The following SNX29 variants were observed in gnomAD, a reference collection of about 807,000 sequenced individuals.
SNX29 encodes sorting nexin 29.
A neutral mutation model predicts 102.1 loss-of-function variants in SNX29; 78 were observed. The ratio of observed to expected loss-of-function variants is 0.76; its 90% CI spans 0.64 to 0.92. SNX29 has a LOEUF of 0.92. Ranked by LOEUF, SNX29 falls within the 40% of genes least tolerant of loss-of-function variation. SNX29 has a pLI of 0.00. For missense variants in SNX29, 1,280 were observed against 1,061.7 expected (o/e 1.21, Z -2.86); for synonymous variants, 580 against 414.5 (o/e 1.40, Z -4.85).
At chr16:12,532,220 T>A (rs2076950881) in intron 20 of SNX29, among the ~76,000 whole-genome samples, 1 of 152,260 alleles carries the variant, frequency 6.6e-6, no homozygotes, top group Non-Finnish European at 1.5e-5. Flanking sequence ...TATGTTTATG[T>A]AAATTGTGTA....
At chr16:12,065,540 A>G (rs77932425) in intron 9 of SNX29, among the ~76,000 whole-genome samples, 10 of 152,072 alleles carry the variant, frequency 6.6e-5, no homozygotes, top group South Asian at 4.2e-4. Context: ...CTAAAGTTCT[A>G]TTTCTCCTTG....
At chr16:12,041,788 A>G (rs1384924973) in intron 4 of SNX29, among the ~76,000 whole-genome samples, 1 of 152,162 alleles carries the variant, frequency 6.6e-6, no homozygotes, top group African/African-American at 2.4e-5. Flanking sequence ...AGATCCTAAC[A>G]CAGTTGCATA....
chr16:12,004,577 G>C (rs2056394051), intron 3 of SNX29, among the ~76,000 whole-genome samples: 1 of 152,056 alleles, frequency 6.6e-6, no homozygotes, highest in African/African-American at 2.4e-5. Flanking sequence ...GAAGGAAAGG[G>C]AAGGGAACTT....
chr16:12,353,302 G>T (rs1397922952), intron 15 of SNX29, among the ~76,000 whole-genome samples: 2 of 152,144 alleles, frequency 1.3e-5, no homozygotes, highest in South Asian at 4.2e-4. Flanking sequence ...CTGGCCCCTG[G>T]ACACCTACTT....
intron 20 of SNX29, among the ~76,000 whole-genome samples, chr16:12,555,440 T>G (rs140508284): frequency 1.3e-5 from 2 of 152,036 alleles, no homozygotes; most frequent in Non-Finnish European, 2.9e-5. Context: ...GAGACACTCA[T>G]GTACGCAGGG....
intron 13 of SNX29, among the ~76,000 whole-genome samples, chr16:12,140,400 G>A (rs2054829041): frequency 1.3e-5 from 2 of 152,202 alleles, no homozygotes; most frequent in Non-Finnish European, 1.5e-5. Context: ...TCCTGCCCAA[G>A]CCTGGGTCCC....
At chr16:12,013,286 A>T (rs1179127257) in intron 3 of SNX29, among the ~76,000 whole-genome samples, 1 of 151,174 alleles carries the variant, frequency 6.6e-6, no homozygotes, top group Non-Finnish European at 1.5e-5. Context: ...ATGCAAATTA[A>T]AGCAACAGTG....
chr16:12,094,437 T>C (rs546193276), intron 11 of SNX29, among the ~76,000 whole-genome samples: 2 of 152,330 alleles, frequency 1.3e-5, no homozygotes, highest in African/African-American at 4.8e-5. Context: ...GACCTGATTT[T>C]CCATCTTACT....
chr16:12,411,164 G>A (rs1176734935), intron 18 of SNX29, among the ~76,000 whole-genome samples: 3 of 152,222 alleles, frequency 2.0e-5, no homozygotes, highest in Non-Finnish European at 4.4e-5. Flanking sequence ...TAAGGCTGAA[G>A]CATTTCTCTC....
At chr16:12,352,073 G>A (rs1035748655) in intron 15 of SNX29, among the ~76,000 whole-genome samples, 9 of 152,136 alleles carry the variant, frequency 5.9e-5, no homozygotes, top group Non-Finnish European at 1.0e-4. Context: ...TTGTTAAATC[G>A]AAGGTGAGTG....
At chr16:12,162,400 C>T (rs954574862) in intron 13 of SNX29, among the ~76,000 whole-genome samples, 11 of 152,270 alleles carry the variant, frequency 7.2e-5, no homozygotes, top group African/African-American at 2.6e-4. Context: ...GAGGAGTTGG[C>T]AAATATATTC....
chr16:12,243,474 G>T (rs1440654870), intron 14 of SNX29, among the ~76,000 whole-genome samples: 1 of 152,182 alleles, frequency 6.6e-6, no homozygotes, highest in African/African-American at 2.4e-5. Flanking sequence ...TAGGCTCAGG[G>T]ACTCAGTACC....
chr16:12,374,393 T>C (rs2082797659), intron 16 of SNX29: 2 of 152,168 alleles, frequency 1.3e-5, no homozygotes, highest in African/African-American at 2.4e-5. Flanking sequence ...ATGTCTTTAT[T>C]TTGATCAGTC....
intron 11 of SNX29, among the ~76,000 whole-genome samples, chr16:12,105,900 A>G (rs999443938): frequency 2.6e-5 from 4 of 152,016 alleles, no homozygotes; most frequent in African/African-American, 9.7e-5. Context: ...CTGCGACCAT[A>G]TTTACCAGCG....
At chr16:12,559,591 A>G (rs539762405) in intron 20 of SNX29, among the ~76,000 whole-genome samples, 3 of 151,930 alleles carry the variant, frequency 2.0e-5, no homozygotes, top group Admixed American at 6.6e-5. Flanking sequence ...CTGGTGCCAA[A>G]AAGGTTGGGG....
chr16:12,256,579 C>T (rs1017092221), intron 14 of SNX29, among the ~76,000 whole-genome samples: 16 of 152,168 alleles, frequency 1.1e-4, no homozygotes, highest in African/African-American at 2.7e-4. Context: ...CCGCCTGCTT[C>T]GGCCCCCAAA....
chr16:12,428,619 T>G (rs945426489), intron 18 of SNX29, among the ~76,000 whole-genome samples: 4 of 152,178 alleles, frequency 2.6e-5, no homozygotes, highest in African/African-American at 7.2e-5. Flanking sequence ...TTGCAATTTA[T>G]ATCTCCTAGT....
At chr16:12,471,805 GC>G (rs1359216511) in intron 18 of SNX29, among the ~76,000 whole-genome samples, 2 of 152,240 alleles carry the variant, frequency 1.3e-5, no homozygotes, top group Non-Finnish European at 2.9e-5. Flanking sequence ...TATAACCACT[GC>G]CCAGATATAG....
intron 15 of SNX29, among the ~76,000 whole-genome samples, chr16:12,286,661 A>T (rs1449938675): frequency 6.6e-6 from 1 of 152,038 alleles, no homozygotes; most frequent in Admixed American, 6.6e-5. Context: ...TGTCCTTAAA[A>T]TTTTTTTATT....
Sources: gnomAD v4.1 joint callset for allele counts (sites outside exome capture counted in the v4.1 genomes callset) on GRCh38, gnomAD v4.1.1 for gene constraint, MANE v1.5 for transcripts, NCBI Gene and HGNC (gene_info 2026-07-23, HGNC 2026-07-21) for gene names.